The following PTPRG variants were observed in gnomAD, a reference collection of about 807,000 sequenced individuals.
PTPRG encodes the protein receptor-type tyrosine-protein phosphatase gamma.
PTPRG carries 102 observed loss-of-function variants against 165.3 expected under a neutral mutation model. The ratio of observed to expected loss-of-function variants is 0.62; its 90% CI spans 0.53 to 0.73. The LOEUF is 0.73. Among genes scored for constraint, PTPRG ranks in the 30% least tolerant of loss-of-function variants. PTPRG has a pLI of 0.00. For missense variants in PTPRG, 1,866 were observed against 1,861.4 expected (o/e 1.00, Z -0.05); for synonymous variants, 675 against 669.5 (o/e 1.01, Z -0.13).
intron 1 of PTPRG, chr3:61,742,882 T>G (rs893143351): frequency 2.7e-5 from 41 of 1,531,512 alleles, no homozygotes; most frequent in Non-Finnish European, 3.5e-5. Flanking sequence ...GGCCTTAGCC[T>G]CGTCACAGTG....
chr3:61,889,903 A>G (rs1326717053), intron 2 of PTPRG, among the ~76,000 whole-genome samples: 1 of 152,206 alleles, frequency 6.6e-6, no homozygotes, highest in Non-Finnish European at 1.5e-5. Flanking sequence ...TATAATACAG[A>G]GACATACCTG....
intron 1 of PTPRG, among the ~76,000 whole-genome samples, chr3:61,678,580 A>T (rs1703318577): frequency 6.6e-6 from 1 of 152,116 alleles, no homozygotes. Context: ...GAGCATCCCC[A>T]GACAAGATGG....
At chr3:61,593,055 A>C (rs567702444) in intron 1 of PTPRG, among the ~76,000 whole-genome samples, 1 of 152,266 alleles carries the variant, frequency 6.6e-6, no homozygotes, top group Admixed American at 6.5e-5. Context: ...CATTACCTGG[A>C]AGCTTGTTGG....
chr3:61,643,005 G>C (rs769892541), intron 1 of PTPRG, among the ~76,000 whole-genome samples: 12 of 152,134 alleles, frequency 7.9e-5, no homozygotes, highest in South Asian at 4.1e-4. Flanking sequence ...TAACTACAGA[G>C]GACACGAAAA....
At chr3:61,782,544 G>A (rs1023958745) in intron 2 of PTPRG, among the ~76,000 whole-genome samples, 11 of 152,184 alleles carry the variant, frequency 7.2e-5, no homozygotes, top group South Asian at 2.1e-4. Flanking sequence ...GTATAAAGAC[G>A]TCTGGTGTAC....
At chr3:61,868,158 G>A (rs1363331119) in intron 2 of PTPRG, among the ~76,000 whole-genome samples, 1 of 152,180 alleles carries the variant, frequency 6.6e-6, no homozygotes. Flanking sequence ...TTATGTGAAG[G>A]CTGTGGATTG....
At chr3:61,853,432 A>G (rs1178729949) in intron 2 of PTPRG, among the ~76,000 whole-genome samples, 1 of 152,152 alleles carries the variant, frequency 6.6e-6, no homozygotes, top group African/African-American at 2.4e-5. Context: ...AGCTCACTCC[A>G]ATATCATTAG....
At chr3:61,579,632 A>C (rs983201450) in intron 1 of PTPRG, among the ~76,000 whole-genome samples, 1 of 152,240 alleles carries the variant, frequency 6.6e-6, no homozygotes, top group Non-Finnish European at 1.5e-5. Flanking sequence ...TCTGACTCCA[A>C]AGCCAGTGCT....
intron 2 of PTPRG, among the ~76,000 whole-genome samples, chr3:61,880,479 G>C (rs12637008): frequency 0.13 from 19,135 of 152,050 alleles, 1,731 homozygotes; most frequent in East Asian, 0.5. Flanking sequence ...AATTAGCTGG[G>C]TGTGTTGGTG....
At chr3:61,831,473 T>C (rs1226761235) in intron 2 of PTPRG, among the ~76,000 whole-genome samples, 1 of 152,176 alleles carries the variant, frequency 6.6e-6, no homozygotes, top group Admixed American at 6.5e-5. Flanking sequence ...TGTTTTTTTG[T>C]TTTTGTTTTT....
chr3:61,574,646 T>C (rs1183029464), intron 1 of PTPRG, among the ~76,000 whole-genome samples: 1 of 152,208 alleles, frequency 6.6e-6, no homozygotes, highest in Non-Finnish European at 1.5e-5. Flanking sequence ...GAGGTCTTAG[T>C]CCATTTTATG....
At chr3:62,201,446 A>ATT in intron 10 of PTPRG, 59 bp from the exon 11 acceptor site, 1 of 1,340,702 alleles carries the variant, frequency 7.5e-7, no homozygotes, top group Non-Finnish European at 1.0e-6. Context: ...CATAAGGAAT[A>ATT]TCTTGTTAGA....
chr3:61,617,332 C>T (rs1701325106), intron 1 of PTPRG, among the ~76,000 whole-genome samples: 1 of 152,090 alleles, frequency 6.6e-6, no homozygotes, highest in Admixed American at 6.6e-5. Context: ...CAGGGTGTGT[C>T]GGTATTTAAT....
chr3:62,062,905 C>T (rs1700868286), intron 4 of PTPRG, among the ~76,000 whole-genome samples: 1 of 152,198 alleles, frequency 6.6e-6, no homozygotes, highest in Non-Finnish European at 1.5e-5. Context: ...CTGCCCGTCT[C>T]AGCCTCCCAG....
chr3:61,972,413 T>C (rs568067795), intron 2 of PTPRG, among the ~76,000 whole-genome samples: 2 of 149,896 alleles, frequency 1.3e-5, no homozygotes, highest in East Asian at 4.0e-4. Flanking sequence ...GGGGGTTTCA[T>C]GCAGGTGAGT....
At chr3:61,664,449 C>T (rs1702751546) in intron 1 of PTPRG, among the ~76,000 whole-genome samples, 1 of 152,126 alleles carries the variant, frequency 6.6e-6, no homozygotes, top group African/African-American at 2.4e-5. Context: ...AGTAAAGTAA[C>T]CTAGTATAAA....
intron 2 of PTPRG, among the ~76,000 whole-genome samples, chr3:61,871,992 G>A (rs759801019): frequency 1.3e-5 from 2 of 152,198 alleles, no homozygotes; most frequent in African/African-American, 2.4e-5. Flanking sequence ...ATACCTGCTT[G>A]CTCTATTCTT....
chr3:61,782,056 T>C (rs1386115261), intron 2 of PTPRG, among the ~76,000 whole-genome samples: 1 of 152,182 alleles, frequency 6.6e-6, no homozygotes, highest in Non-Finnish European at 1.5e-5. Flanking sequence ...GACATGACCA[T>C]TGCAACCTCA....
intron 2 of PTPRG, among the ~76,000 whole-genome samples, chr3:61,751,285 A>G (rs758054108): frequency 6.6e-6 from 1 of 152,168 alleles, no homozygotes; most frequent in Admixed American, 6.5e-5. Flanking sequence ...GCACCTTAAA[A>G]CCACAGCAAA....
Sources: allele counts gnomAD v4.1 joint callset (sites outside exome capture counted in the v4.1 genomes callset), GRCh38; gene constraint gnomAD v4.1.1; transcripts MANE v1.5; gene names NCBI Gene and HGNC (gene_info 2026-07-23, HGNC 2026-07-21).